DLC1: variants seen among roughly 807,000 people sequenced by gnomAD.
DLC1 encodes the protein DLC1 Rho GTPase activating protein, also known as rho GTPase-activating protein 7.
In DLC1, 54 loss-of-function variants were observed where a neutral mutation model predicts 140.3. That is an observed-to-expected ratio of 0.38 (90% CI 0.31 to 0.48). The LOEUF (loss-of-function observed/expected upper bound fraction) is 0.48, where lower values mean the gene tolerates loss of function less well. DLC1 is among the 20% of genes least tolerant of loss of function. The pLI is 0.96. For synonymous variants in DLC1, 986 were observed against 728.1 expected (o/e 1.35, Z -5.70); for missense variants, 2,536 against 1,907.0 (o/e 1.33, Z -6.14).
chr8:13,144,741 G>A (rs1224682354), intron 5 of DLC1, among the ~76,000 whole-genome samples: 1 of 152,054 alleles, frequency 6.6e-6, no homozygotes, highest in Non-Finnish European at 1.5e-5. Flanking sequence ...CTCCAGCCTG[G>A]GCAACAGAGC....
chr8:13,173,943 T>C (rs763979829), intron 5 of DLC1, among the ~76,000 whole-genome samples: 18 of 152,252 alleles, frequency 1.2e-4, no homozygotes, highest in Admixed American at 2.0e-4. Context: ...AGGTTTGGGG[T>C]ATGAACGATC....
intron 5 of DLC1, among the ~76,000 whole-genome samples, chr8:13,143,942 A>G (rs1044589544): frequency 6.6e-6 from 1 of 152,128 alleles, no homozygotes; most frequent in African/African-American, 2.4e-5. Context: ...GAAGGCTTTA[A>G]GAGAGGCTGA....
intron 1 of DLC1, among the ~76,000 whole-genome samples, chr8:13,505,754 C>T (rs1398938975): frequency 2.0e-5 from 3 of 152,296 alleles, no homozygotes; most frequent in Admixed American, 1.3e-4. Context: ...TCAGTTCTTT[C>T]AGTTTCCTTT....
chr8:13,578,718 A>G (rs899838384), intron 1 of DLC1, among the ~76,000 whole-genome samples: 4 of 152,146 alleles, frequency 2.6e-5, no homozygotes, highest in African/African-American at 9.7e-5. Context: ...AGATGAAGAG[A>G]TGCACAGGGC....
At chr8:13,398,757 C>A (rs1309215990) in intron 3 of DLC1, among the ~76,000 whole-genome samples, 3 of 152,006 alleles carry the variant, frequency 2.0e-5, no homozygotes, top group Admixed American at 6.6e-5. Context: ...TAGAGCAAAG[C>A]AGGAGGTGGG....
chr8:13,450,586 A>G (rs1798994025), intron 2 of DLC1, among the ~76,000 whole-genome samples: 2 of 152,084 alleles, frequency 1.3e-5, no homozygotes, highest in Admixed American at 1.3e-4. Context: ...TTTACTTGAA[A>G]TTGTATTCTT....
chr8:13,376,330 C>A (rs1215526623), intron 4 of DLC1, among the ~76,000 whole-genome samples: 1 of 152,144 alleles, frequency 6.6e-6, no homozygotes, highest in Non-Finnish European at 1.5e-5. Context: ...AAACGGGAAG[C>A]ATTTGCTAAT....
intron 1 of DLC1, chr8:13,568,071 C>T (rs981845779): frequency 8.0e-6 from 9 of 1,127,618 alleles, no homozygotes; most frequent in East Asian, 2.7e-5. Flanking sequence ...AGAACTTTCA[C>T]TTTTTTTTTC....
chr8:13,508,799 G>C (rs1802229280), intron 1 of DLC1, among the ~76,000 whole-genome samples: 1 of 152,042 alleles, frequency 6.6e-6, no homozygotes, highest in Non-Finnish European at 1.5e-5. Flanking sequence ...CTTCTTAATA[G>C]TACTGTTTGA....
chr8:13,211,233 T>TA (rs2117107925), intron 5 of DLC1, among the ~76,000 whole-genome samples: 1 of 152,306 alleles, frequency 6.6e-6, no homozygotes, highest in Non-Finnish European at 1.5e-5. Context: ...ATACGCTTCT[T>TA]ACTTAGCATA....
intron 4 of DLC1, among the ~76,000 whole-genome samples, chr8:13,346,071 G>T (rs1308884326): frequency 1.3e-5 from 2 of 152,152 alleles, no homozygotes; most frequent in African/African-American, 4.8e-5. Context: ...CTAGATACTT[G>T]TCAATACATT....
At chr8:13,542,424 A>T (rs552717638) in intron 1 of DLC1, among the ~76,000 whole-genome samples, 2 of 152,308 alleles carry the variant, frequency 1.3e-5, no homozygotes, top group South Asian at 4.1e-4. Context: ...CTTTTCAAAT[A>T]TACCCACAAT....
intron 5 of DLC1, among the ~76,000 whole-genome samples, chr8:13,196,389 C>T (rs1055842228): frequency 1.3e-5 from 2 of 152,148 alleles, no homozygotes; most frequent in African/African-American, 4.8e-5. Context: ...CAAGAAGACA[C>T]TTTACTACAT....
At chr8:13,440,847 T>A (rs1025234323) in intron 2 of DLC1, among the ~76,000 whole-genome samples, 1 of 152,150 alleles carries the variant, frequency 6.6e-6, no homozygotes, top group African/African-American at 2.4e-5. Flanking sequence ...GCCTTTTGCT[T>A]CCCGCCGTGA....
intron 5 of DLC1, among the ~76,000 whole-genome samples, chr8:13,200,237 T>A (rs561117589): frequency 8.4e-5 from 10 of 119,092 alleles, no homozygotes; most frequent in East Asian, 4.1e-4. Context: ...ATATATATAT[T>A]TTTTTTAGTA....
intron 1 of DLC1, among the ~76,000 whole-genome samples, chr8:13,602,948 G>GA (rs1364052871): frequency 6.6e-6 from 1 of 151,818 alleles, no homozygotes; most frequent in Non-Finnish European, 1.5e-5. Flanking sequence ...ATTTTTAAGG[G>GA]AAAGGTCTTT....
chr8:13,576,183 A>G (rs1346061082), intron 1 of DLC1, among the ~76,000 whole-genome samples: 1 of 152,222 alleles, frequency 6.6e-6, no homozygotes, highest in African/African-American at 2.4e-5. Flanking sequence ...TATAGTTTTA[A>G]TACTCTACAT....
At chr8:13,456,101 C>G (rs1288894582) in intron 2 of DLC1, among the ~76,000 whole-genome samples, 2 of 152,150 alleles carry the variant, frequency 1.3e-5, no homozygotes, top group Admixed American at 6.5e-5. Context: ...AGATTTGCAG[C>G]AGAGTTTCCC....
intron 2 of DLC1, among the ~76,000 whole-genome samples, chr8:13,479,802 AAAGAAGAAGAAGAAGAAG>A (rs60625191): frequency 1.1e-3 from 60 of 56,986 alleles, no homozygotes; most frequent in Admixed American, 2.1e-3. Flanking sequence ...GAAAGAAAGA[AAAGAAGAAGAAGAAGAAG>A]AAGAAGAAGA....
Sources: allele counts gnomAD v4.1 joint callset (sites outside exome capture counted in the v4.1 genomes callset), GRCh38; gene constraint gnomAD v4.1.1; transcripts MANE v1.5; gene names NCBI Gene and HGNC (gene_info 2026-07-23, HGNC 2026-07-21).